IL1RL2: variants seen among roughly 807,000 people sequenced by gnomAD.
IL1RL2 encodes interleukin 1 receptor like 2, also known as interleukin-1 receptor-like 2.
Under a neutral mutation model 66.8 loss-of-function variants are expected in IL1RL2, and 68 were observed. That is an observed-to-expected ratio of 1.02 (90% CI 0.84 to 1.25). The LOEUF (loss-of-function observed/expected upper bound fraction) is 1.25. Among genes scored for constraint, IL1RL2 ranks in the 50% most tolerant of loss-of-function variants. The pLI is 0.00. For synonymous variants in IL1RL2, 305 were observed against 264.6 expected, an observed-to-expected ratio of 1.15 and a Z score of -1.48; for missense variants, 729 against 709.3, an observed-to-expected ratio of 1.03 and a Z score of -0.32.
intron 9 of IL1RL2, among the ~76,000 whole-genome samples, chr2:102,230,446 T>C (rs1396568636): frequency 6.6e-6 from 1 of 152,232 alleles, no homozygotes; most frequent in Non-Finnish European, 1.5e-5. Flanking sequence ...ATCCCTTTTG[T>C]ACCTGCCCTG....
chr2:102,187,302 C>T (rs1686766186), intron 1 of IL1RL2: 2 of 1,175,922 alleles, frequency 1.7e-6, no homozygotes, highest in African/African-American at 1.6e-5. Flanking sequence ...GCTCCAGCGG[C>T]TCCCTGCCTT....
chr2:102,194,442 A>G (rs755487334), intron 4 of IL1RL2, among the ~76,000 whole-genome samples: 2 of 152,206 alleles, frequency 1.3e-5, no homozygotes, highest in East Asian at 1.9e-4. Flanking sequence ...TTTGTGGGAC[A>G]TATTACATGA....
intron 4 of IL1RL2, among the ~76,000 whole-genome samples, chr2:102,200,093 G>A (rs1012285800): frequency 7.6e-6 from 1 of 130,880 alleles, no homozygotes; most frequent in African/African-American, 2.9e-5. Flanking sequence ...GGAAGTGGGC[G>A]ACAGAGCTAA....
chr2:102,187,028 T>C lies in IL1RL2; in HGVS notation c.-71T>C, dbSNP rs143378679. On this transcript the variant is annotated 5_prime_UTR_variant, in exon 1 of 12. Coordinates refer to ENST00000264257, the MANE Select transcript of IL1RL2 (RefSeq NM_003854.4). ...CATGGAAGTGGCATGACAGGGCTCG[T>C]GTCCCTGTCATATTTTCCACTCTCC... 1.0e-5 allele frequency: 13 copies of C among 1,289,798 alleles called. No individual in the cohort carries two copies. The African/African-American group carries it at 1.7e-4, about 17-fold the overall frequency. The allele number at this position is 1,289,798 out of a possible 1,614,324, so 79.9% of individuals were successfully genotyped here.
chr2:102,235,023 C>A lies in IL1RL2; in HGVS notation c.1424C>A (p.Ala475Asp). 1 of 1,614,152 alleles carries A rather than the reference C, an allele frequency of 6.2e-7. No individual in the cohort carries two copies. Among genetic ancestry groups the A allele is most frequent in the Non-Finnish European group, 8.5e-7 (1 of 1,180,034 alleles). The change falls in exon 11 of 12, where the codon GCC (alanine) becomes GAC (aspartate). Residue 475 changes from alanine (A) to aspartate (D), a missense_variant. By Grantham distance (126) the Ala-to-Asp change is moderately radical. Coordinates refer to ENST00000264257, the MANE Select transcript of IL1RL2 (RefSeq NM_003854.4). ...LSEEQIAVYS[A>D]LIQDGMKVIL... ...GAAGAACAAATCGCGGTCTACAGTGCCCTGATCCAGGACGGGATGAAGGTT... is the reference window on the plus strand; with the variant it reads ...GAAGAACAAATCGCGGTCTACAGTGACCTGATCCAGGACGGGATGAAGGTT...
rs1689953819 is a variant in IL1RL2, at chr2:102,219,943, A to G, written c.917A>G (p.Lys306Arg). The G allele has an allele frequency of 1.2e-6, 2 of 1,613,766 alleles. No individual in the cohort carries two copies. The highest frequency in any genetic ancestry group is 1.7e-6 in the Non-Finnish European group (2 of 1,179,676). The change falls in exon 8 of 12, where the codon AAA becomes AGA. Residue 306 changes from lysine to arginine, a missense_variant. Coordinates refer to ENST00000264257, the MANE Select transcript of IL1RL2 (RefSeq NM_003854.4). ...GTAAACATCACCTTCTTGGAAGTGA[A>G]AATGGAAGATTATGGCCTTCCTTTC... ...YTVNITFLEV[K>R]MEDYGLPFMC... is the part of the protein sequence containing the mutation.
intron 4 of IL1RL2, among the ~76,000 whole-genome samples, chr2:102,195,613 CTTTCTTTCTT>C (rs1480660519): frequency 1.6e-4 from 3 of 18,552 alleles, no homozygotes; most frequent in African/African-American, 4.0e-4. Flanking sequence ...TTCTTTCTTT[CTTTCTTTCTT>C]TCTTTCTCTC....
rs770784668 is a variant in IL1RL2 at position 102,235,057 on chromosome 2, T to A, written c.1458T>A (p.Ile486=). 6.2e-7 allele frequency: 1 copy of A among 1,614,164 alleles called. No homozygotes were observed. Among genetic ancestry groups the A allele is most frequent in the East Asian group, 2.2e-5 (1 of 44,874 alleles). ...AGGACGGGATGAAGGTTATTCTCAT[T>A]GAGCTGGAGAAAATCGAGGACTACA... The part of the protein sequence containing the change: ...LIQDGMKVIL[I]ELEKIEDYTV... Residue 486 remains isoleucine (I), a synonymous_variant, in exon 11 of 12, where the codon ATT becomes ATA. Coordinates refer to ENST00000264257, the MANE Select transcript of IL1RL2 (RefSeq NM_003854.4).
chr2:102,200,117 CAA>C (rs35208716), intron 4 of IL1RL2, among the ~76,000 whole-genome samples: 4,080 of 95,074 alleles, frequency 0.043, 182 homozygotes, highest in African/African-American at 0.15. Flanking sequence ...CCTGTTCCAG[CAA>C]AAAAAAAAAA....
chr2:102,242,927 A>G (rs1334996514), downstream of IL1RL2, among the ~76,000 whole-genome samples: 1 of 152,226 alleles, frequency 6.6e-6, no homozygotes, highest in African/African-American at 2.4e-5. Flanking sequence ...AAATAGATCT[A>G]TTTATATCTG....
At chr2:102,241,055 G>C (rs918829564), downstream of IL1RL2, among the ~76,000 whole-genome samples, 1 of 152,236 alleles carries the variant, frequency 6.6e-6, no homozygotes, top group East Asian at 1.9e-4. Context: ...ACAGAGCCCC[G>C]TTCAGGCTGC....
intron 9 of IL1RL2, among the ~76,000 whole-genome samples, chr2:102,231,731 C>T (rs1448787501): frequency 6.6e-6 from 1 of 152,156 alleles, no homozygotes; most frequent in Admixed American, 6.5e-5. Flanking sequence ...GCAGGGGCTG[C>T]TTTTGAGGTT....
intron 11 of IL1RL2, among the ~76,000 whole-genome samples, chr2:102,238,391 A>T (rs959368763): frequency 5.9e-5 from 9 of 152,186 alleles, no homozygotes; most frequent in Non-Finnish European, 1.2e-4. Flanking sequence ...AAGCAAGATG[A>T]AGATATACAT....
chr2:102,208,379 G>T (rs556360854), intron 5 of IL1RL2, among the ~76,000 whole-genome samples: 27 of 152,202 alleles, frequency 1.8e-4, no homozygotes, highest in Non-Finnish European at 3.2e-4. Flanking sequence ...TCACAAACCT[G>T]GTTATTGTCA....
At chr2:102,187,423 G>T in intron 1 of IL1RL2, 1 of 1,103,338 alleles carries the variant, frequency 9.1e-7, no homozygotes, top group Non-Finnish European at 1.1e-6. Flanking sequence ...GGATCCCGAG[G>T]ACACAGGCGC....
intron 3 of IL1RL2, 51 bp downstream of exon 3, chr2:102,189,361 AT>A: frequency 8.9e-7 from 1 of 1,119,264 alleles, no homozygotes; most frequent in Non-Finnish European, 1.3e-6. Context: ...TGTATAAATT[AT>A]TTTAGGAAAA....
chr2:102,211,279 C>T (rs10490570), intron 5 of IL1RL2, among the ~76,000 whole-genome samples: 7,541 of 152,130 alleles, frequency 0.05, 212 homozygotes, highest in Middle Eastern at 0.15. Context: ...TAGGTGATCG[C>T]TAAATTTTGG....
intron 11 of IL1RL2, among the ~76,000 whole-genome samples, chr2:102,237,737 C>T (rs1675005862): frequency 6.6e-6 from 1 of 152,192 alleles, no homozygotes. Flanking sequence ...AGCCTGGCAT[C>T]ACCGCTGACA....
rs912281167 is a variant in IL1RL2 at position 102,206,413 on chromosome 2, G to C, written c.649+4698G>C. ...TGGGAAGGCCTTCCAAAGGATTTGA[G>C]TGTTTCGATCAAAGCTGTATCTGCT... On this transcript the variant is annotated intron_variant, in intron 5 of 11. Transcript: ENST00000264257. 4.6e-5 allele frequency among the ~76,000 whole-genome samples: 7 copies of C among 152,190 alleles called. No homozygotes were observed. In the South Asian group the frequency reaches 1.4e-3, roughly 32 times the overall value.
Sources: allele counts gnomAD v4.1 joint callset (sites outside exome capture counted in the v4.1 genomes callset), GRCh38; gene constraint gnomAD v4.1.1; transcripts MANE v1.5; gene names NCBI Gene and HGNC (gene_info 2026-07-23, HGNC 2026-07-21).